Variants in TBC1D8 observed in about 807,000 individuals in gnomAD.
TBC1D8 encodes BUB2-like protein 1.
TBC1D8 carries 65 observed loss-of-function variants against 118.8 expected under a neutral mutation model. The ratio of observed to expected loss-of-function variants is 0.55; its 90% CI spans 0.45 to 0.67. The LOEUF (loss-of-function observed/expected upper bound fraction) is 0.67, where lower values mean the gene tolerates loss of function less well. TBC1D8 is among the 30% of genes least tolerant of loss of function. The pLI is 0.00. For synonymous variants in TBC1D8, 566 were observed against 595.8 expected (o/e 0.95, Z 0.73); for missense variants, 1,376 against 1,471.2 (o/e 0.94, Z 1.06).
intron 1 of TBC1D8, among the ~76,000 whole-genome samples, chr2:101,137,898 T>C (rs1197653259): frequency 6.6e-6 from 1 of 152,184 alleles, no homozygotes; most frequent in African/African-American, 2.4e-5. Flanking sequence ...TATGAGTTCA[T>C]TCTCTTACTG....
At chr2:101,042,919 C>G (rs1681470216) in intron 5 of TBC1D8, among the ~76,000 whole-genome samples, 4 of 152,280 alleles carry the variant, frequency 2.6e-5, no homozygotes, top group Admixed American at 2.6e-4. Context: ...GAGATAAGAC[C>G]TCACCTCAAC....
In TBC1D8 at chr2:101,028,307, T is replaced by C. The variant is rs201461683; in HGVS notation, c.2348A>G (p.Tyr783Cys). 4.6e-5 allele frequency: 74 copies of C among 1,612,040 alleles called. No homozygotes were observed. In the East Asian group the frequency reaches 1.6e-3, roughly 35 times the overall value. Reference protein sequence around the residue: ...TDISDLIRDSYEKFGDQSVEQ... With the variant: ...TDISDLIRDSCEKFGDQSVEQ... ...TGGGGCGGGGGTTCCCGTTACCTCA[T>C]AGGAATCCCGGATCAGGTCCGAAAT... Residue 783 changes from tyrosine to cysteine, a missense_variant, in exon 13 of 20, where the codon TAT (tyrosine) becomes TGT (cysteine). Physicochemically the swap from Tyr to Cys is radical, Grantham distance 194. Transcript: ENST00000409318.
chr2:101,144,938 C>CAAAAAT (rs1422172839), intron 1 of TBC1D8, among the ~76,000 whole-genome samples: 4 of 151,920 alleles, frequency 2.6e-5, no homozygotes, highest in East Asian at 3.9e-4. Context: ...ACTCTGTCTC[C>CAAAAAT]AAAAATAAAA....
At chr2:101,017,832 A>C (rs1476691857) in intron 17 of TBC1D8, 2 of 1,550,244 alleles carry the variant, frequency 1.3e-6, no homozygotes, top group Non-Finnish European at 1.7e-6. Flanking sequence ...ACTAACAGTG[A>C]AGCAGCTACA....
chr2:101,054,419 CTGAGGTGCACAGG>C (rs1351766366), intron 3 of TBC1D8, 83 bp from the exon 4 acceptor site: 1 of 1,391,802 alleles, frequency 7.2e-7, no homozygotes, highest in Non-Finnish European at 9.8e-7. Context: ...GCAGGAGGGA[CTGAGGTGCACAGG>C]CCCCCGAGAA....
intron 19 of TBC1D8, among the ~76,000 whole-genome samples, chr2:101,009,398 T>A (rs1679008712): frequency 7.3e-6 from 1 of 136,970 alleles, no homozygotes; most frequent in African/African-American, 2.7e-5. Flanking sequence ...AGAGTGAGAC[T>A]CTGTCTCCAA....
In TBC1D8 at chr2:101,066,974, A is replaced by G. The variant is rs769674108; in HGVS notation, c.284-7435T>C. On this transcript the variant is annotated intron_variant, in intron 2 of 19. Transcript: ENST00000409318. Reference sequence around the variant, plus strand: ...AAAAAAAAAAAAAAAAAAAAATCAAAGTTATACTGACACTATACTGTAGTC... The same window carrying G: ...AAAAAAAAAAAAAAAAAAAAATCAAGGTTATACTGACACTATACTGTAGTC... 8.5e-4 allele frequency among the ~76,000 whole-genome samples: 127 copies of G among 149,448 alleles called. 2 individuals carry two copies. In the Middle Eastern group the frequency reaches 0.011, roughly 12 times the overall value.
At chr2:101,115,850 C>G (rs1677795148) in intron 1 of TBC1D8, among the ~76,000 whole-genome samples, 1 of 152,080 alleles carries the variant, frequency 6.6e-6, no homozygotes, top group Non-Finnish European at 1.5e-5. Flanking sequence ...CCATCACCAC[C>G]AGGGCCCCAG....
At chr2:101,122,528 G>A (rs921300861) in intron 1 of TBC1D8, among the ~76,000 whole-genome samples, 1 of 150,764 alleles carries the variant, frequency 6.6e-6, no homozygotes, top group East Asian at 2.0e-4. Context: ...AATCATGACA[G>A]AAAGCATCAT....
rs554781139 is a variant in TBC1D8 at position 101,051,580 on chromosome 2, A to T, written c.632-939T>A. Among the ~76,000 whole-genome samples, 5 of 152,318 alleles carry T rather than the reference A, an allele frequency of 3.3e-5. No individual in the cohort carries two copies. In the South Asian group the frequency reaches 1.0e-3, roughly 32 times the overall value. On this transcript the variant is annotated intron_variant, in intron 4 of 19. Transcript: ENST00000409318. ...ATCTCACAAAGGTCTAATATCCAGC[A>T]TCTATAAGGAACTTAAACACATTTA...
chr2:101,121,100 C>CT (rs1443348399), intron 1 of TBC1D8, among the ~76,000 whole-genome samples: 8 of 152,180 alleles, frequency 5.3e-5, no homozygotes, highest in African/African-American at 1.9e-4. Context: ...AAACCTCCCT[C>CT]TTTTCTAAGA....
intron 17 of TBC1D8, among the ~76,000 whole-genome samples, chr2:101,012,967 C>T (rs1679341690): frequency 6.6e-6 from 1 of 152,152 alleles, no homozygotes; most frequent in South Asian, 2.1e-4. Flanking sequence ...GTGAATGGTA[C>T]CTGGGGCAGT....
At chr2:101,077,437 C>A (rs947218017) in intron 2 of TBC1D8, among the ~76,000 whole-genome samples, 6 of 151,910 alleles carry the variant, frequency 3.9e-5, no homozygotes, top group Admixed American at 1.3e-4. Context: ...TTAGTAGAGA[C>A]GGGGTTTCAC....
intron 19 of TBC1D8, among the ~76,000 whole-genome samples, chr2:101,009,019 C>T (rs1338794156): frequency 3.9e-5 from 6 of 152,130 alleles, no homozygotes; most frequent in Non-Finnish European, 5.9e-5. Context: ...TGAGACACTG[C>T]TGCTGAAATT....
intron 1 of TBC1D8, among the ~76,000 whole-genome samples, chr2:101,095,450 T>C (rs1676353861): frequency 7.4e-6 from 1 of 134,630 alleles, no homozygotes; most frequent in Non-Finnish European, 1.6e-5. Flanking sequence ...CTCCTTCCTG[T>C]GTCCATGTGT....
At chr2:101,022,663 T>A in intron 15 of TBC1D8, 142 bp from the exon 16 acceptor site, 1 of 1,260,010 alleles carries the variant, frequency 7.9e-7, no homozygotes, top group East Asian at 2.8e-5. Context: ...TACCCTGACA[T>A]CCTTACCCAC....
At chr2:101,150,029 C>G (rs1262545397) in intron 1 of TBC1D8, among the ~76,000 whole-genome samples, 1 of 152,236 alleles carries the variant, frequency 6.6e-6, no homozygotes, top group Non-Finnish European at 1.5e-5. Context: ...CTCACCCGGT[C>G]TCAGTGTAAG....
chr2:101,144,181 G>A (rs1037653171), intron 1 of TBC1D8, among the ~76,000 whole-genome samples: 1 of 152,180 alleles, frequency 6.6e-6, no homozygotes, highest in African/African-American at 2.4e-5. Context: ...GTGCTCTGGT[G>A]ACAAGAACCA....
chr2:101,140,491 T>C (rs1477144495), intron 1 of TBC1D8, among the ~76,000 whole-genome samples: 1 of 152,056 alleles, frequency 6.6e-6, no homozygotes, highest in Non-Finnish European at 1.5e-5. Context: ...ACAGCTTCAA[T>C]GACTTCCTGA....
Sources: gnomAD v4.1 joint callset for allele counts (sites outside exome capture counted in the v4.1 genomes callset) on GRCh38, gnomAD v4.1.1 for gene constraint, MANE v1.5 for transcripts, NCBI Gene and HGNC (gene_info 2026-07-23, HGNC 2026-07-21) for gene names.